Variants in DZIP3 observed in about 807,000 individuals in gnomAD.
DZIP3 encodes the protein DAZ interacting zinc finger protein 3, also known as E3 ubiquitin-protein ligase DZIP3.
A neutral mutation model predicts 162.0 loss-of-function variants in DZIP3; 118 were observed. The ratio of observed to expected loss-of-function variants is 0.73; its 90% CI spans 0.63 to 0.85. DZIP3 has a LOEUF of 0.85. DZIP3 is among the 40% of genes least tolerant of loss of function. DZIP3 has a pLI of 0.00. For synonymous variants in DZIP3, 438 were observed against 458.6 expected, an observed-to-expected ratio of 0.96 and a Z score of 0.57; for missense variants, 1,331 against 1,407.0, an observed-to-expected ratio of 0.95 and a Z score of 0.86.
At chr3:108,629,252 G>C in intron 8 of DZIP3, 76 bp downstream of exon 8, 1 of 972,416 alleles carries the variant, frequency 1.0e-6, no homozygotes, top group South Asian at 1.8e-5. Flanking sequence ...CTTACAGCAA[G>C]CATGTTCTTT....
chr3:108,658,341 C>G (rs1168725642), intron 19 of DZIP3, among the ~76,000 whole-genome samples: 3 of 152,224 alleles, frequency 2.0e-5, no homozygotes, highest in Middle Eastern at 3.4e-3. Flanking sequence ...GAAACTCACT[C>G]AAAACCGCTC....
intron 32 of DZIP3, among the ~76,000 whole-genome samples, chr3:108,692,321 C>G (rs1429139577): frequency 6.6e-6 from 1 of 152,084 alleles, no homozygotes; most frequent in Non-Finnish European, 1.5e-5. Context: ...AGTACTCAAT[C>G]CTACTTTCTT....
At chr3:108,640,762 C>T (rs1942366573) in intron 12 of DZIP3, among the ~76,000 whole-genome samples, 1 of 151,942 alleles carries the variant, frequency 6.6e-6, no homozygotes, top group Admixed American at 6.6e-5. Context: ...TCTTTTTAAC[C>T]CTGATAATAT....
At chr3:108,633,929 A>C (rs1459517693) in intron 9 of DZIP3, among the ~76,000 whole-genome samples, 7 of 149,954 alleles carry the variant, frequency 4.7e-5, no homozygotes, top group Admixed American at 3.3e-4. Flanking sequence ...TGGATCTATC[A>C]GAATACTTCT....
chr3:108,675,806 T>C lies in DZIP3; in HGVS notation c.2714T>C (p.Leu905Ser), dbSNP rs748844032. The change falls in exon 25 of 33, where the codon TTA becomes TCA. Residue 905 changes from leucine to serine, a missense_variant. Physicochemically the swap from Leu to Ser is moderately radical, Grantham distance 145. Transcript: ENST00000361582. ...AACAGCAACCTAGAATCACTTCAAT[T>C]AAAGGCTGCGGTAGACAGTTGGAAT... ...MAASNLESLQ[L>S]KAAVDSWNAI... 2.5e-6 allele frequency: 4 copies of C among 1,607,734 alleles called. No homozygotes were observed. The Admixed American group carries it at 6.8e-5, about 27-fold the overall frequency.
intron 1 of DZIP3, among the ~76,000 whole-genome samples, chr3:108,593,082 A>G (rs1404058770): frequency 1.3e-5 from 2 of 152,252 alleles, no homozygotes; most frequent in Admixed American, 1.3e-4. Flanking sequence ...ATTCTAAAAA[A>G]TGTCTGCCAA....
At chr3:108,675,693 G>C in intron 24 of DZIP3, 93 bp from the exon 25 acceptor site, 1 of 1,068,352 alleles carries the variant, frequency 9.4e-7, no homozygotes. Flanking sequence ...GTTTTTTGTT[G>C]ACATATATGC....
Position 108,644,700 on chromosome 3 carries a change from C to G in DZIP3, c.1678C>G (p.Leu560Val), listed in dbSNP as rs751637919. 3 of 1,613,262 alleles carry G rather than the reference C, an allele frequency of 1.9e-6. No homozygotes were observed. The highest frequency in any genetic ancestry group is 8.5e-7 in the Non-Finnish European group (1 of 1,179,862). Residue 560 changes from leucine (L) to valine (V), a missense_variant, in exon 14 of 33, where the codon CTT (leucine) becomes GTT (valine). Physicochemically the swap from Leu to Val is conservative, Grantham distance 32 (BLOSUM62 1). Transcript: ENST00000361582. ...GGAGAATCCCATTGAGAATATCTCC[C>G]TTGATTACCATCAGCTATCTGTCTA... ...VKENPIENIS[L>V]DYHQLSVYLG...
intron 23 of DZIP3, 73 bp downstream of exon 23, chr3:108,672,729 T>C: frequency 8.7e-7 from 1 of 1,152,462 alleles, no homozygotes; most frequent in Non-Finnish European, 1.2e-6. Context: ...TACTAAAGAA[T>C]TTGTAAAAGA....
chr3:108,621,114 C>A (rs779653568), intron 5 of DZIP3, among the ~76,000 whole-genome samples: 16 of 152,156 alleles, frequency 1.1e-4, no homozygotes, highest in Non-Finnish European at 1.6e-4. Flanking sequence ...AGCCACTGCA[C>A]CCAGCCAGAT....
At position 108,647,873 on chromosome 3, in the gene DZIP3, CATT is replaced by C. The variant is rs1158318583; in HGVS notation, c.1793-67_1793-65del. On this transcript the variant is annotated intron_variant, in intron 15 of 32. Transcript: ENST00000361582. ...TGTGAATGTTGCTTTTTTGGGCAAA[CATT>C]ATAACATTGATAAGAAGCTGAAATT... 26 of 1,306,558 alleles carry C rather than the reference CATT, an allele frequency of 2.0e-5. No individual in the cohort carries two copies. In the East Asian group the frequency reaches 4.1e-4, roughly 21 times the overall value. 80.9% of individuals were successfully genotyped at this position (1,306,558 alleles called of 1,614,324 possible).
Position 108,675,788 on chromosome 3 carries a change from A to G in DZIP3, c.2696A>G (p.Asn899Ser), listed in dbSNP as rs756702923. Residue 899 changes from asparagine (N) to serine (S), a missense_variant and splice_region_variant, in exon 25 of 33, where the codon AAC becomes AGC. By Grantham distance (46) the Asn-to-Ser change is conservative. Transcript: ENST00000361582. ...LARVTHMAAS[N>S]LESLQLKAAV... Reference sequence around the variant, plus strand: ...TTGTGTCTCCTTTTCTACAACAGCAACCTAGAATCACTTCAATTAAAGGCT... The same window carrying G: ...TTGTGTCTCCTTTTCTACAACAGCAGCCTAGAATCACTTCAATTAAAGGCT... 1 of 1,600,072 alleles carries G rather than the reference A, an allele frequency of 6.2e-7. No individual in the cohort carries two copies. The highest frequency in any genetic ancestry group is 1.1e-5 in the South Asian group (1 of 87,950).
At position 108,689,075 on chromosome 3, in the gene DZIP3, T is replaced by G. The variant is rs749148403; in HGVS notation, c.3516+151T>G. 1.1e-4 allele frequency: 85 copies of G among 743,016 alleles called. 1 individual carries two copies. Among genetic ancestry groups the G allele is most frequent in the Middle Eastern group, 1.1e-3 (3 of 2,710 alleles). 46.0% of individuals were successfully genotyped at this position (743,016 alleles called of 1,614,324 possible). A position where few individuals can be genotyped will look rare whatever the true frequency, so the allele number is the denominator to read the frequency against. On this transcript the variant is annotated intron_variant, in intron 31 of 32. Coordinates refer to ENST00000361582, the MANE Select transcript of DZIP3 (RefSeq NM_014648.4). ...GGGTACCACACAGAAACATTTATGC[T>G]TTTCCCATACATAGCCATGGATTGC...
intron 26 of DZIP3, among the ~76,000 whole-genome samples, chr3:108,683,931 T>C (rs1032192634): frequency 6.6e-6 from 1 of 152,192 alleles, no homozygotes; most frequent in African/African-American, 2.4e-5. Context: ...GATTAGGAAA[T>C]TGGTTTCCAA....
intron 17 of DZIP3, among the ~76,000 whole-genome samples, chr3:108,649,487 C>T (rs1942772620): frequency 6.6e-6 from 1 of 151,752 alleles, no homozygotes; most frequent in Non-Finnish European, 1.5e-5. Flanking sequence ...ACAGTTTTAC[C>T]AGTGAGTCTC....
intron 22 of DZIP3, among the ~76,000 whole-genome samples, chr3:108,670,516 T>A (rs7614731): frequency 0.2 from 30,890 of 151,902 alleles, 3,724 homozygotes; most frequent in East Asian, 0.45. Context: ...GGCTATACCT[T>A]ATTTTATTTT....
At chr3:108,651,426 A>G (rs1458490431) in intron 18 of DZIP3, among the ~76,000 whole-genome samples, 1 of 151,724 alleles carries the variant, frequency 6.6e-6, no homozygotes, top group African/African-American at 2.4e-5. Context: ...TCATTTTAAA[A>G]TATAGTCTAC....
At chr3:108,647,693 A>G (rs981527508) in intron 15 of DZIP3, among the ~76,000 whole-genome samples, 2 of 152,232 alleles carry the variant, frequency 1.3e-5, no homozygotes, top group African/African-American at 2.4e-5. Flanking sequence ...TCTAATATCT[A>G]GAGTCTACCT....
At chr3:108,691,407 GTAAA>G (rs1436280103) in intron 32 of DZIP3, 2 of 143,648 alleles carry the variant, frequency 1.4e-5, no homozygotes, top group Non-Finnish European at 3.0e-5. Context: ...AAAAAAGAAA[GTAAA>G]AAAAAAAAAA....
Sources: allele counts gnomAD v4.1 joint callset (sites outside exome capture counted in the v4.1 genomes callset), GRCh38; gene constraint gnomAD v4.1.1; transcripts MANE v1.5; gene names NCBI Gene and HGNC (gene_info 2026-07-23, HGNC 2026-07-21).